TPRG1: variants seen among roughly 807,000 people sequenced by gnomAD.
TPRG1 encodes tumor protein p63-regulated gene 1 protein.
TPRG1 carries 29 observed loss-of-function variants against 29.3 expected under a neutral mutation model. The observed-to-expected ratio is 0.99, with a 90% CI of 0.74 to 1.35. TPRG1 has a LOEUF of 1.35. Ranked by LOEUF, TPRG1 falls within the 40% of genes most tolerant of loss-of-function variation. TPRG1 has a pLI of 0.00. For synonymous variants in TPRG1, 130 were observed against 116.8 expected (o/e 1.11, Z -0.73); for missense variants, 327 against 335.0 (o/e 0.98, Z 0.19).
chr3:189,212,208 G>A (rs1735377593), intron 2 of TPRG1: 1 of 151,964 alleles, frequency 6.6e-6, no homozygotes, highest in Non-Finnish European at 1.5e-5. Flanking sequence ...CAAACTAATG[G>A]GACTAAAACT....
intron 4 of TPRG1, among the ~76,000 whole-genome samples, chr3:189,282,448 A>G (rs1175845393): frequency 1.3e-5 from 2 of 152,094 alleles, no homozygotes; most frequent in East Asian, 3.9e-4. Context: ...GGGAGAGGGT[A>G]TTAAACGTGT....
chr3:189,079,791 GTT>G lies in TPRG1; in HGVS notation c.-462-47264_-462-47263del, dbSNP rs563885449. Among the ~76,000 whole-genome samples the G allele has an allele frequency of 2.6e-3, 391 of 152,276 alleles. 2 individuals are homozygous for G. The highest frequency in any genetic ancestry group is 8.4e-3 in the African/African-American group (347 of 41,552). On this transcript the variant is annotated intron_variant, in intron 4 of 10. Transcript: ENST00000433971. ...CATAAACTCAGTCTTCTAAGCACAT[GTT>G]TAAGATCTCATCTATGAGGCCAAAA...
At chr3:189,302,252 A>T (rs1720954769) in intron 4 of TPRG1, among the ~76,000 whole-genome samples, 1 of 152,204 alleles carries the variant, frequency 6.6e-6, no homozygotes, top group Non-Finnish European at 1.5e-5. Flanking sequence ...CTTGGTACAA[A>T]GTCAAAGATC....
At chr3:189,202,038 T>A (rs1733584410) in intron 1 of TPRG1, among the ~76,000 whole-genome samples, 1 of 152,178 alleles carries the variant, frequency 6.6e-6, no homozygotes, top group Non-Finnish European at 1.5e-5. Context: ...TTCTGGCAAC[T>A]AAGTGTGGCT....
chr3:189,101,873 T>C (rs993493596), intron 1 of TPRG1, among the ~76,000 whole-genome samples: 19 of 152,088 alleles, frequency 1.2e-4, no homozygotes, highest in Admixed American at 9.2e-4. Flanking sequence ...TGCTGCATGA[T>C]CAGATTTTTA....
At chr3:189,119,075 T>C (rs1338532378) in intron 1 of TPRG1, among the ~76,000 whole-genome samples, 1 of 152,218 alleles carries the variant, frequency 6.6e-6, no homozygotes, top group African/African-American at 2.4e-5. Flanking sequence ...GGTTGAGCTT[T>C]GCAAAGCCAC....
chr3:189,305,594 G>T (rs1265588046), intron 4 of TPRG1, among the ~76,000 whole-genome samples: 1 of 152,154 alleles, frequency 6.6e-6, no homozygotes, highest in Admixed American at 6.5e-5. Context: ...AGTAGTAATT[G>T]CTCTGGTCTT....
chr3:189,106,499 A>C (rs1183087477), intron 1 of TPRG1, among the ~76,000 whole-genome samples: 1 of 152,132 alleles, frequency 6.6e-6, no homozygotes, highest in African/African-American at 2.4e-5. Flanking sequence ...TGGTATATTT[A>C]GTGATATGAT....
intron 2 of TPRG1, among the ~76,000 whole-genome samples, chr3:189,003,973 C>T (rs932303821): frequency 9.9e-5 from 15 of 152,010 alleles, no homozygotes; most frequent in Non-Finnish European, 2.1e-4. Context: ...TGGCCCTTGC[C>T]CCTGATTAAA....
At chr3:189,235,049 A>G (rs1413779091) in intron 3 of TPRG1, among the ~76,000 whole-genome samples, 1 of 152,150 alleles carries the variant, frequency 6.6e-6, no homozygotes, top group Non-Finnish European at 1.5e-5. Context: ...CTGAAAGAAG[A>G]TAAAGGAAAT....
intron 3 of TPRG1, chr3:189,132,819 T>C (rs1723248339): frequency 6.6e-6 from 1 of 152,228 alleles, no homozygotes; most frequent in African/African-American, 2.4e-5. Context: ...AGTATGATGG[T>C]CTTCAGTTCC....
intron 4 of TPRG1, among the ~76,000 whole-genome samples, chr3:189,037,775 A>G (rs1286504418): frequency 6.6e-6 from 1 of 151,856 alleles, no homozygotes; most frequent in African/African-American, 2.4e-5. Context: ...TTAAACAACC[A>G]ACAATATTTT....
chr3:189,035,407 A>G (rs1051383078), intron 4 of TPRG1, among the ~76,000 whole-genome samples: 1 of 152,198 alleles, frequency 6.6e-6, no homozygotes, highest in Non-Finnish European at 1.5e-5. Context: ...CCCAAAAACA[A>G]TTGCAACAAA....
At chr3:189,137,393 A>G (rs1174133604) in intron 3 of TPRG1, among the ~76,000 whole-genome samples, 1 of 151,750 alleles carries the variant, frequency 6.6e-6, no homozygotes, top group African/African-American at 2.4e-5. Context: ...AACAGCAGCA[A>G]TAGCCACTTG....
At chr3:189,037,947 C>A (rs943987673) in intron 4 of TPRG1, among the ~76,000 whole-genome samples, 1 of 150,306 alleles carries the variant, frequency 6.7e-6, no homozygotes, top group African/African-American at 2.4e-5. Flanking sequence ...CAGAGATAAA[C>A]CATGTTCATG....
intron 4 of TPRG1, among the ~76,000 whole-genome samples, chr3:189,260,114 C>T (rs1382780771): frequency 1.3e-5 from 2 of 152,112 alleles, no homozygotes; most frequent in Non-Finnish European, 2.9e-5. Flanking sequence ...GAGCAAGTTA[C>T]TTAACAATCC....
intron 5 of TPRG1, among the ~76,000 whole-genome samples, chr3:189,311,017 T>C (rs753569424): frequency 1.3e-5 from 2 of 152,184 alleles, no homozygotes; most frequent in African/African-American, 2.4e-5. Context: ...TAAGGTTAAA[T>C]AGAATGATGT....
At chr3:189,007,317 C>T (rs1295988583) in intron 3 of TPRG1, among the ~76,000 whole-genome samples, 14 of 151,930 alleles carry the variant, frequency 9.2e-5, no homozygotes, top group Non-Finnish European at 1.8e-4. Flanking sequence ...CACTGGCCAT[C>T]AGAGAAATGC....
intron 4 of TPRG1, among the ~76,000 whole-genome samples, chr3:189,273,478 G>A (rs950970695): frequency 1.3e-5 from 2 of 152,140 alleles, no homozygotes; most frequent in African/African-American, 4.8e-5. Flanking sequence ...TAGAGTATGC[G>A]ACAGGCAGTG....
Sources: gnomAD v4.1 joint callset for allele counts (sites outside exome capture counted in the v4.1 genomes callset) on GRCh38, gnomAD v4.1.1 for gene constraint, MANE v1.5 for transcripts, NCBI Gene and HGNC (gene_info 2026-07-23, HGNC 2026-07-21) for gene names.